The following ARHGEF28 variants were observed in gnomAD, a reference collection of about 807,000 sequenced individuals.
The protein encoded by ARHGEF28 is Rho guanine nucleotide exchange factor 28.
Under a neutral mutation model 206.6 loss-of-function variants are expected in ARHGEF28, and 152 were observed. The ratio of observed to expected loss-of-function variants is 0.74; its 90% CI spans 0.64 to 0.84. The LOEUF is 0.84. Among genes scored for constraint, ARHGEF28 ranks in the 40% least tolerant of loss-of-function variants. ARHGEF28 has a pLI of 0.00. For synonymous variants in ARHGEF28, 763 were observed against 776.4 expected (o/e 0.98, Z 0.29); for missense variants, 2,028 against 2,073.2 (o/e 0.98, Z 0.42).
In ARHGEF28 at chr5:73,941,077, C is replaced by T; in HGVS notation, c.*64C>T. The T allele has an allele frequency of 7.2e-7, 1 of 1,384,248 alleles. No individual in the cohort carries two copies. Among genetic ancestry groups the T allele is most frequent in the South Asian group, 1.6e-5 (1 of 61,172 alleles). 85.7% of individuals were successfully genotyped at this position (1,384,248 alleles called of 1,614,324 possible). On this transcript the variant is annotated 3_prime_UTR_variant, in exon 36 of 36. Coordinates refer to ENST00000513042, the MANE Select transcript of ARHGEF28 (RefSeq NM_001177693.2). ...ACTTTTGGGAGAAACTTTTTGTCTC[C>T]ATTCCTTATGTATGTGTGATTGTCT...
At chr5:73,753,638 T>C (rs1444254071) in intron 4 of ARHGEF28, among the ~76,000 whole-genome samples, 1 of 152,200 alleles carries the variant, frequency 6.6e-6, no homozygotes, top group Non-Finnish European at 1.5e-5. Flanking sequence ...AACCAATGAA[T>C]TGACATCTTT....
At chr5:73,712,140 G>A (rs917873202) in intron 2 of ARHGEF28, among the ~76,000 whole-genome samples, 5 of 151,916 alleles carry the variant, frequency 3.3e-5, no homozygotes, top group African/African-American at 1.2e-4. Context: ...GAACCCCACT[G>A]GTTGTGATGT....
intron 9 of ARHGEF28, among the ~76,000 whole-genome samples, chr5:73,812,102 CTA>C (rs113459729): frequency 5.0e-4 from 76 of 151,278 alleles, no homozygotes; most frequent in Middle Eastern, 6.8e-3. Flanking sequence ...ATGTGACAAA[CTA>C]TATAAAAACA....
intron 21 of ARHGEF28, among the ~76,000 whole-genome samples, chr5:73,870,415 A>T (rs1043994589): frequency 6.6e-6 from 1 of 152,186 alleles, no homozygotes; most frequent in African/African-American, 2.4e-5. Context: ...CAAAAACCAC[A>T]ATCGGTTTTG....
At chr5:73,775,199 C>T (rs1392246958) in intron 5 of ARHGEF28, among the ~76,000 whole-genome samples, 1 of 152,214 alleles carries the variant, frequency 6.6e-6, no homozygotes, top group Non-Finnish European at 1.5e-5. Flanking sequence ...CCTAGAGGCA[C>T]ACTTCATCTG....
At chr5:73,652,710 A>G (rs1211216299) in intron 1 of ARHGEF28, among the ~76,000 whole-genome samples, 2 of 152,234 alleles carry the variant, frequency 1.3e-5, no homozygotes, top group Non-Finnish European at 2.9e-5. Flanking sequence ...ATAATATGTT[A>G]TACATCTGGA....
chr5:73,874,457 A>G (rs1760311820), intron 22 of ARHGEF28, among the ~76,000 whole-genome samples: 1 of 151,548 alleles, frequency 6.6e-6, no homozygotes, highest in African/African-American at 2.4e-5. Flanking sequence ...CATGTGCACA[A>G]TGTGCAGGTT....
At chr5:73,794,569 A>G (rs1754684986) in intron 8 of ARHGEF28, 115 bp downstream of exon 8, 1 of 856,388 alleles carries the variant, frequency 1.2e-6, no homozygotes, top group South Asian at 1.7e-5. Flanking sequence ...GCCCCAAGTC[A>G]CTTTCAGAAT....
chr5:73,910,098 G>A (rs1357380135), intron 34 of ARHGEF28, among the ~76,000 whole-genome samples: 1 of 152,144 alleles, frequency 6.6e-6, no homozygotes, highest in African/African-American at 2.4e-5. Flanking sequence ...TGGACAGTGC[G>A]GGCCAGGCGC....
intron 25 of ARHGEF28, among the ~76,000 whole-genome samples, chr5:73,886,557 C>T (rs1019967001): frequency 6.6e-5 from 10 of 152,230 alleles, no homozygotes; most frequent in African/African-American, 1.4e-4. Flanking sequence ...TATATCCACA[C>T]ACCTGCTGAC....
intron 9 of ARHGEF28, among the ~76,000 whole-genome samples, chr5:73,818,507 A>G (rs973885392): frequency 6.6e-6 from 1 of 152,202 alleles, no homozygotes; most frequent in African/African-American, 2.4e-5. Context: ...AGGATGAGTA[A>G]GTCACTAGAG....
chr5:73,804,082 C>CAAAAAAAAAAAAAAA (rs35722039), intron 9 of ARHGEF28, among the ~76,000 whole-genome samples: 1 of 64,312 alleles, frequency 1.6e-5, no homozygotes, highest in Non-Finnish European at 2.7e-5. Flanking sequence ...GAGACCCTGT[C>CAAAAAAAAAAAAAAA]AAAAAAAAAA....
intron 2 of ARHGEF28, among the ~76,000 whole-genome samples, chr5:73,718,809 T>G (rs746019995): frequency 2.4e-4 from 37 of 152,110 alleles, no homozygotes; most frequent in Non-Finnish European, 4.4e-4. Flanking sequence ...ACTATCTTCA[T>G]CCTCCCTAGG....
intron 2 of ARHGEF28, among the ~76,000 whole-genome samples, chr5:73,719,887 A>G (rs1219430419): frequency 3.3e-5 from 5 of 152,236 alleles, no homozygotes; most frequent in African/African-American, 4.8e-5. Flanking sequence ...GGCAGTTTAC[A>G]TTCTTACACT....
intron 26 of ARHGEF28, among the ~76,000 whole-genome samples, chr5:73,889,644 G>T (rs556068550): frequency 4.7e-4 from 72 of 152,358 alleles, no homozygotes; most frequent in Middle Eastern, 3.4e-3. Flanking sequence ...AATGGATACG[G>T]TGTAACAATA....
intron 9 of ARHGEF28, among the ~76,000 whole-genome samples, chr5:73,814,876 C>T (rs1008191519): frequency 5.9e-5 from 9 of 152,090 alleles, no homozygotes; most frequent in African/African-American, 9.7e-5. Context: ...ATGCATTTAC[C>T]GTCTAGGGCT....
intron 2 of ARHGEF28, among the ~76,000 whole-genome samples, chr5:73,721,788 G>A (rs1486004414): frequency 1.3e-5 from 2 of 152,150 alleles, no homozygotes; most frequent in Non-Finnish European, 2.9e-5. Context: ...TTATTTATTT[G>A]TAAAATTAAT....
chr5:73,865,166 G>A (rs1030934973), intron 17 of ARHGEF28, among the ~76,000 whole-genome samples: 1 of 152,200 alleles, frequency 6.6e-6, no homozygotes, highest in African/African-American at 2.4e-5. Flanking sequence ...GAAGATCAGA[G>A]TAGTAAGTCA....
At chr5:73,670,086 A>G (rs1580462176) in intron 1 of ARHGEF28, among the ~76,000 whole-genome samples, 1 of 152,244 alleles carries the variant, frequency 6.6e-6, no homozygotes, top group Non-Finnish European at 1.5e-5. Context: ...GATACTGAAC[A>G]GTTCCAAAAC....
Sources: allele counts gnomAD v4.1 joint callset (sites outside exome capture counted in the v4.1 genomes callset), GRCh38; gene constraint gnomAD v4.1.1; transcripts MANE v1.5; gene names NCBI Gene and HGNC (gene_info 2026-07-23, HGNC 2026-07-21).